The following CGGBP1 variants were observed in gnomAD, a reference collection of about 807,000 sequenced individuals.
The protein encoded by CGGBP1 is CGG triplet repeat-binding protein 1.
CGGBP1 carries 4 observed loss-of-function variants against 11.4 expected under a neutral mutation model. The observed-to-expected ratio is 0.35, with a 90% CI of 0.17 to 0.80. CGGBP1 has a LOEUF of 0.80. Ranked by LOEUF, CGGBP1 falls within the 30% of genes least tolerant of loss-of-function variation. The pLI is 0.52. For missense variants in CGGBP1, 135 were observed against 202.1 expected (o/e 0.67, Z 2.01); for synonymous variants, 76 against 74.1 (o/e 1.03, Z -0.13).
chr3:88,082,129 ATT>A (rs780949287), intron 2 of CGGBP1, among the ~76,000 whole-genome samples: 8 of 141,674 alleles, frequency 5.6e-5, no homozygotes, highest in Admixed American at 7.1e-5. Context: ...TTGTTAATCA[ATT>A]TTTTTTTTTT....
intron 2 of CGGBP1, among the ~76,000 whole-genome samples, chr3:88,124,784 T>C (rs530196697): frequency 0.054 from 7,904 of 147,420 alleles, 284 homozygotes; most frequent in Non-Finnish European, 0.085. Flanking sequence ...TTTTTTTTTT[T>C]CAACATTGCC....
intron 2 of CGGBP1, among the ~76,000 whole-genome samples, chr3:88,133,312 A>C (rs1302707073): frequency 6.6e-6 from 1 of 152,180 alleles, no homozygotes; most frequent in Non-Finnish European, 1.5e-5. Context: ...ATTGAGATTT[A>C]GGTCTCTCTT....
intron 2 of CGGBP1, among the ~76,000 whole-genome samples, chr3:88,107,368 C>G (rs1704806432): frequency 6.6e-6 from 1 of 152,142 alleles, no homozygotes; most frequent in Non-Finnish European, 1.5e-5. Flanking sequence ...TTAGACCTTT[C>G]TTTCCAATTT....
intron 3 of CGGBP1, chr3:88,056,990 A>G (rs971271374): frequency 4.0e-5 from 6 of 150,578 alleles, no homozygotes; most frequent in Non-Finnish European, 5.9e-5. Context: ...GTGACAAATC[A>G]TCAAGTCTTA....
chr3:88,145,447 T>C (rs1288089578), intron 1 of CGGBP1, among the ~76,000 whole-genome samples: 1 of 152,160 alleles, frequency 6.6e-6, no homozygotes, highest in African/African-American at 2.4e-5. Context: ...TATGGTCATA[T>C]GATCTTAGAC....
intron 2 of CGGBP1, among the ~76,000 whole-genome samples, chr3:88,114,743 C>G (rs1705288471): frequency 6.6e-6 from 1 of 152,094 alleles, no homozygotes; most frequent in Non-Finnish European, 1.5e-5. Context: ...ATTTGCTGAC[C>G]TGAGCTTATG....
intron 2 of CGGBP1, chr3:88,139,440 T>C (rs907652289): frequency 6.2e-7 from 1 of 1,613,702 alleles, no homozygotes; most frequent in African/African-American, 1.3e-5. Flanking sequence ...GCAGAAGCAT[T>C]TGAAGAATCA....
intron 2 of CGGBP1, chr3:88,139,680 GATGTTATTGAAA>G (rs769766147): frequency 8.6e-5 from 137 of 1,600,706 alleles, no homozygotes; most frequent in Non-Finnish European, 1.1e-4. Flanking sequence ...TGTACCAGAA[GATGTTATTGAAA>G]ATGTTATTGA....
intron 2 of CGGBP1, among the ~76,000 whole-genome samples, chr3:88,083,165 C>A (rs1387792304): frequency 6.6e-6 from 1 of 152,170 alleles, no homozygotes. Context: ...AAAGCCCTGT[C>A]TTCAAATACA....
chr3:88,122,804 G>T (rs969471621), intron 2 of CGGBP1, among the ~76,000 whole-genome samples: 22 of 152,132 alleles, frequency 1.4e-4, no homozygotes, highest in Middle Eastern at 3.4e-3. Context: ...GAGGTGAGGA[G>T]TTCGATACCA....
upstream of CGGBP1, chr3:88,059,403 G>A: frequency 6.5e-7 from 1 of 1,534,498 alleles, no homozygotes; most frequent in Non-Finnish European, 8.7e-7. Context: ...TGGGCCCTGT[G>A]GGGCTTAGAG....
chr3:88,065,514 A>T (rs1292715470), intron 2 of CGGBP1, among the ~76,000 whole-genome samples: 3 of 152,216 alleles, frequency 2.0e-5, no homozygotes, highest in African/African-American at 7.2e-5. Context: ...TACTGAAAAG[A>T]CACAGGACAC....
intron 1 of CGGBP1, among the ~76,000 whole-genome samples, chr3:88,144,857 AT>A (rs1251611041): frequency 6.6e-6 from 1 of 152,024 alleles, no homozygotes; most frequent in African/African-American, 2.4e-5. Context: ...CAAAATAGGC[AT>A]TTTTGGACAT....
At chr3:88,086,509 C>A in intron 2 of CGGBP1, 1 of 981,782 alleles carries the variant, frequency 1.0e-6, no homozygotes, top group Non-Finnish European at 1.4e-6. Context: ...AGTATTCCCT[C>A]AAAAAGAAAT....
At chr3:88,076,405 C>T (rs1481852125) in intron 2 of CGGBP1, among the ~76,000 whole-genome samples, 1 of 152,000 alleles carries the variant, frequency 6.6e-6, no homozygotes, top group East Asian at 1.9e-4. Flanking sequence ...AGTACAGTTA[C>T]TTCTGATATA....
chr3:88,080,103 G>A (rs1337529099), intron 2 of CGGBP1, among the ~76,000 whole-genome samples: 1 of 151,986 alleles, frequency 6.6e-6, no homozygotes, highest in Non-Finnish European at 1.5e-5. Context: ...TCAGGTATCT[G>A]TTCAGGCATG....
chr3:88,132,763 A>G (rs1278995872), intron 2 of CGGBP1, among the ~76,000 whole-genome samples: 2 of 152,236 alleles, frequency 1.3e-5, no homozygotes, highest in Non-Finnish European at 2.9e-5. Context: ...TTCTTTTAAT[A>G]AAGATGCTGA....
intron 2 of CGGBP1, among the ~76,000 whole-genome samples, chr3:88,077,495 G>A (rs531293571): frequency 4.8e-5 from 4 of 82,758 alleles, no homozygotes; most frequent in Non-Finnish European, 8.6e-5. Flanking sequence ...ACCACGCCCG[G>A]CTAATTTTTT....
intron 2 of CGGBP1, among the ~76,000 whole-genome samples, chr3:88,091,837 G>T (rs368203941): frequency 4.6e-5 from 7 of 152,134 alleles, no homozygotes; most frequent in African/African-American, 9.7e-5. Flanking sequence ...TGCTGTGATT[G>T]TGAGGCCTCC....
Sources: gnomAD v4.1 joint callset for allele counts (sites outside exome capture counted in the v4.1 genomes callset) on GRCh38, gnomAD v4.1.1 for gene constraint, MANE v1.5 for transcripts, NCBI Gene and HGNC (gene_info 2026-07-23, HGNC 2026-07-21) for gene names.